HDAC9: variants seen among roughly 807,000 people sequenced by gnomAD.
The protein encoded by HDAC9 is MEF-2 interacting transcription repressor (MITR) protein.
HDAC9 carries 41 observed loss-of-function variants against 139.4 expected under a neutral mutation model. The ratio of observed to expected loss-of-function variants is 0.29; its 90% CI spans 0.23 to 0.38. The LOEUF (loss-of-function observed/expected upper bound fraction) is 0.38. Ranked by LOEUF, HDAC9 falls within the 10% of genes least tolerant of loss-of-function variation. The pLI, the probability that HDAC9 is intolerant of heterozygous loss-of-function variation, is 1.00. For synonymous variants in HDAC9, 517 were observed against 476.2 expected, an observed-to-expected ratio of 1.09 and a Z score of -1.12; for missense variants, 1,147 against 1,297.0, an observed-to-expected ratio of 0.88 and a Z score of 1.78.
intron 1 of HDAC9, among the ~76,000 whole-genome samples, chr7:18,477,204 A>G (rs892626607): frequency 6.6e-6 from 1 of 152,224 alleles, no homozygotes; most frequent in African/African-American, 2.4e-5. Flanking sequence ...TAATTATATT[A>G]TAGTCAACTA....
intron 2 of HDAC9, among the ~76,000 whole-genome samples, chr7:18,521,532 C>A (rs1023511304): frequency 6.6e-6 from 1 of 152,124 alleles, no homozygotes; most frequent in Non-Finnish European, 1.5e-5. Flanking sequence ...GCTTCTAATA[C>A]TCCCAATTAA....
chr7:18,371,272 A>T (rs1005573708), intron 1 of HDAC9, among the ~76,000 whole-genome samples: 2 of 152,158 alleles, frequency 1.3e-5, no homozygotes, highest in African/African-American at 4.8e-5. Context: ...GTTTGGGTGT[A>T]GGAGATTTTA....
intron 1 of HDAC9, among the ~76,000 whole-genome samples, chr7:18,452,673 T>G (rs1563002799): frequency 6.6e-6 from 1 of 152,124 alleles, no homozygotes; most frequent in Non-Finnish European, 1.5e-5. Context: ...GGGGACAGGT[T>G]TTTCCCATGC....
At chr7:18,735,157 A>C (rs1487477993) in intron 13 of HDAC9, among the ~76,000 whole-genome samples, 1 of 152,164 alleles carries the variant, frequency 6.6e-6, no homozygotes, top group African/African-American at 2.4e-5. Flanking sequence ...AGATGGGTAG[A>C]TTGCAAAATT....
chr7:18,551,245 A>G (rs895117404), intron 2 of HDAC9, among the ~76,000 whole-genome samples: 12 of 152,204 alleles, frequency 7.9e-5, no homozygotes, highest in Non-Finnish European at 1.3e-4. Context: ...TTTTTTAGAT[A>G]TGGTAACTTT....
chr7:18,835,576 C>A lies in HDAC9; in HGVS notation c.2576C>A (p.Ala859Asp), dbSNP rs181431455. The A allele has an allele frequency of 1.4e-4, 233 of 1,613,754 alleles. No homozygotes were observed. The highest frequency in any genetic ancestry group is 3.3e-4 in the Admixed American group (20 of 60,022). The change falls in exon 20 of 26, where the codon GCC becomes GAC. Residue 859 changes from alanine to aspartate, a missense_variant. By Grantham distance (126) the Ala-to-Asp change is moderately radical. This residue lies in a region of HDAC9 where 407 missense variants were observed against 521.5 expected (regional missense o/e 0.78). Transcript: ENST00000686413. ...DEGNFFPGSG[A>D]PNEVGTGLGE... ...GGGAACTTTTTCCCTGGCAGTGGAGCCCCAAATGAGGTTCGGTTTATTTCT... is the reference window on the plus strand; with the variant it reads ...GGGAACTTTTTCCCTGGCAGTGGAGACCCAAATGAGGTTCGGTTTATTTCT...
intron 1 of HDAC9, among the ~76,000 whole-genome samples, chr7:18,407,189 C>T (rs1788094202): frequency 6.6e-6 from 1 of 152,088 alleles, no homozygotes; most frequent in South Asian, 2.1e-4. Context: ...GGAGAGGATT[C>T]CACTTTCCTA....
chr7:18,864,172 A>G (rs1453381465), intron 21 of HDAC9, among the ~76,000 whole-genome samples: 1 of 152,224 alleles, frequency 6.6e-6, no homozygotes, highest in Non-Finnish European at 1.5e-5. Context: ...AATGTGGTAT[A>G]TAGATACAAT....
intron 1 of HDAC9, chr7:18,151,760 G>A (rs1208733831): frequency 6.6e-6 from 1 of 152,110 alleles, no homozygotes; most frequent in African/African-American, 2.4e-5. Context: ...CTATCATCAT[G>A]TTACTAGCAT....
chr7:18,207,370 T>C (rs1367761563), intron 2 of HDAC9, among the ~76,000 whole-genome samples: 1 of 151,944 alleles, frequency 6.6e-6, no homozygotes, highest in Non-Finnish European at 1.5e-5. Context: ...ATAAATATTT[T>C]AGGATCCATG....
At chr7:18,393,366 G>A (rs925091342) in intron 1 of HDAC9, among the ~76,000 whole-genome samples, 1 of 152,072 alleles carries the variant, frequency 6.6e-6, no homozygotes, top group African/African-American at 2.4e-5. Context: ...TTTTCAAGAT[G>A]GATTAGACCT....
At chr7:18,868,653 G>A (rs1267303648) in intron 21 of HDAC9, among the ~76,000 whole-genome samples, 1 of 151,956 alleles carries the variant, frequency 6.6e-6, no homozygotes, top group East Asian at 1.9e-4. Flanking sequence ...TTAGTAGGTT[G>A]GTGCAAAAGT....
At chr7:18,557,733 T>G (rs1819309679) in intron 2 of HDAC9, among the ~76,000 whole-genome samples, 1 of 149,078 alleles carries the variant, frequency 6.7e-6, no homozygotes, top group African/African-American at 2.4e-5. Context: ...TATAATGATA[T>G]TAAGTATTAT....
intron 15 of HDAC9, among the ~76,000 whole-genome samples, chr7:18,763,725 A>G (rs370374655): frequency 1.1e-3 from 174 of 152,272 alleles, no homozygotes; most frequent in African/African-American, 3.8e-3. Flanking sequence ...TCATGATTTT[A>G]TGAGGTCATA....
rs202230692 is a variant in HDAC9 at position 18,417,277 on chromosome 7, C to T, written c.-41-78985C>T. Among the ~76,000 whole-genome samples the T allele has an allele frequency of 1.2e-4, 19 of 152,250 alleles. No homozygotes were observed. In the East Asian group the frequency reaches 3.5e-3, roughly 28 times the overall value. On this transcript the variant is annotated intron_variant, in intron 1 of 3. Transcript: ENST00000413509. ...AGTTTTCACTCTAGAAGTTCAACTTCCATCTTTTTTATATCTTCTGTATTT... is the reference window on the plus strand; with the variant it reads ...AGTTTTCACTCTAGAAGTTCAACTTTCATCTTTTTTATATCTTCTGTATTT...
intron 8 of HDAC9, among the ~76,000 whole-genome samples, chr7:18,639,861 C>A (rs1440057683): frequency 6.6e-6 from 1 of 151,902 alleles, no homozygotes; most frequent in Non-Finnish European, 1.5e-5. Flanking sequence ...CAGTCTCAGG[C>A]TGAAGGTTCT....
chr7:18,457,457 TTTTAA>T (rs1351508033), intron 1 of HDAC9, among the ~76,000 whole-genome samples: 2 of 152,216 alleles, frequency 1.3e-5, no homozygotes, highest in Non-Finnish European at 2.9e-5. Flanking sequence ...GCCTTCAAAA[TTTTAA>T]TTTAACTTTT....
In HDAC9 at chr7:18,632,234, A is replaced by G. The variant is rs73683037; in HGVS notation, c.797-2393A>G. 7.7e-3 allele frequency among the ~76,000 whole-genome samples: 1,178 copies of G among 152,108 alleles called. 13 individuals are homozygous for G. The highest frequency in any genetic ancestry group is 0.027 in the African/African-American group (1,125 of 41,530). On this transcript the variant is annotated intron_variant, in intron 7 of 25. Transcript: ENST00000686413. The stretch of plus-strand genomic sequence containing the variant: ...AAAAATTAATCAAAATATAAACCAG[A>G]TATATAGACAGAAAGGCAGTGAGCA...
At chr7:18,474,993 A>C (rs1795003944) in intron 1 of HDAC9, among the ~76,000 whole-genome samples, 1 of 152,230 alleles carries the variant, frequency 6.6e-6, no homozygotes, top group Admixed American at 6.5e-5. Context: ...AGATAGTCAC[A>C]GTAAGTGTTA....
Sources: gnomAD v4.1 joint callset for allele counts (sites outside exome capture counted in the v4.1 genomes callset) on GRCh38, gnomAD v4.1.1 for gene constraint, gnomAD v4.1.1 regional missense constraint, MANE v1.5 for transcripts, NCBI Gene and HGNC (gene_info 2026-07-23, HGNC 2026-07-21) for gene names.